The following HECW1 variants were observed in gnomAD, a reference collection of about 807,000 sequenced individuals.
HECW1 encodes the protein E3 ubiquitin-protein ligase HECW1.
In HECW1, 61 loss-of-function variants were observed where a neutral mutation model predicts 182.3. The observed-to-expected ratio is 0.33, with a 90% CI of 0.27 to 0.41. The LOEUF (loss-of-function observed/expected upper bound fraction) is 0.41, where lower values mean the gene tolerates loss of function less well. Ranked by LOEUF, HECW1 falls within the 10% of genes least tolerant of loss-of-function variation. The pLI is 1.00. For synonymous variants in HECW1, 859 were observed against 832.6 expected (o/e 1.03, Z -0.55); for missense variants, 1,739 against 2,108.9 (o/e 0.82, Z 3.44).
intron 2 of HECW1, among the ~76,000 whole-genome samples, chr7:43,199,109 C>T (rs145652589): frequency 1.6e-3 from 251 of 152,336 alleles, no homozygotes; most frequent in African/African-American, 5.7e-3. Flanking sequence ...TCTCTCTCTC[C>T]ACGGTTTTCT....
chr7:43,274,307 A>G, intron 3 of HECW1: 1 of 1,037,996 alleles, frequency 9.6e-7, no homozygotes, highest in Non-Finnish European at 1.4e-6. Context: ...TTTGTATCTC[A>G]GTTAAAGAAG....
At chr7:43,175,411 CTTA>C (rs1792130958) in intron 2 of HECW1, among the ~76,000 whole-genome samples, 1 of 152,186 alleles carries the variant, frequency 6.6e-6, no homozygotes, top group East Asian at 1.9e-4. Context: ...TTTTCCATCT[CTTA>C]TTATGAAAAT....
intron 17 of HECW1, among the ~76,000 whole-genome samples, chr7:43,483,177 G>A (rs910239753): frequency 1.3e-5 from 2 of 152,154 alleles, no homozygotes; most frequent in Non-Finnish European, 2.9e-5. Context: ...GAATGAATTT[G>A]AGGAAAGTAA....
At chr7:43,326,808 C>T (rs1283484948) in intron 5 of HECW1, among the ~76,000 whole-genome samples, 1 of 152,228 alleles carries the variant, frequency 6.6e-6, no homozygotes, top group Admixed American at 6.5e-5. Context: ...GGAGGAAAAG[C>T]AGGGCTCCAG....
intron 3 of HECW1, among the ~76,000 whole-genome samples, chr7:43,246,838 G>A (rs1202986833): frequency 6.8e-6 from 1 of 147,582 alleles, no homozygotes; most frequent in Non-Finnish European, 1.5e-5. Context: ...GCTGCAGCCT[G>A]GCAGAGCCTC....
chr7:43,280,244 A>T (rs941936372), intron 3 of HECW1, among the ~76,000 whole-genome samples: 1 of 152,160 alleles, frequency 6.6e-6, no homozygotes, highest in African/African-American at 2.4e-5. Context: ...TTAATCCAAG[A>T]TCCTCATGGA....
At chr7:43,404,239 T>C (rs1255917398) in intron 7 of HECW1, among the ~76,000 whole-genome samples, 2 of 152,228 alleles carry the variant, frequency 1.3e-5, no homozygotes, top group Non-Finnish European at 2.9e-5. Context: ...AAATTAAATA[T>C]GTAAGTCTTT....
intron 21 of HECW1, among the ~76,000 whole-genome samples, chr7:43,501,633 C>A (rs1259584643): frequency 5.3e-5 from 8 of 151,994 alleles, no homozygotes; most frequent in Admixed American, 5.2e-4. Context: ...AGTTCAAGAC[C>A]AGCCTGGGCA....
At chr7:43,307,859 T>C (rs934695801) in intron 3 of HECW1, among the ~76,000 whole-genome samples, 21 of 135,644 alleles carry the variant, frequency 1.5e-4, no homozygotes, top group Admixed American at 7.1e-4. Context: ...GCTAACTTGA[T>C]TGTGGTAATC....
chr7:43,382,296 A>G (rs1415728503), intron 6 of HECW1, among the ~76,000 whole-genome samples: 1 of 152,060 alleles, frequency 6.6e-6, no homozygotes, highest in African/African-American at 2.4e-5. Context: ...AAAAAAGAAA[A>G]AAAAAAAAAA....
chr7:43,221,448 A>C (rs955489950), intron 2 of HECW1, among the ~76,000 whole-genome samples: 1 of 150,172 alleles, frequency 6.7e-6, no homozygotes, highest in African/African-American at 2.4e-5. Flanking sequence ...AAATTTTTAA[A>C]TCTCCTTATC....
chr7:43,333,971 T>TG (rs1562849947), intron 5 of HECW1, among the ~76,000 whole-genome samples: 2 of 152,206 alleles, frequency 1.3e-5, no homozygotes, highest in African/African-American at 4.8e-5. Context: ...CTCCCTCCAC[T>TG]GGGACCAGGA....
chr7:43,548,531 A>G (rs966109667), intron 26 of HECW1, among the ~76,000 whole-genome samples: 1 of 152,200 alleles, frequency 6.6e-6, no homozygotes, highest in African/African-American at 2.4e-5. Flanking sequence ...TAGACAGTGG[A>G]GAGCAGAGGG....
rs775930180 is a variant in HECW1 at position 43,444,907 on chromosome 7, G to A, written c.1735G>A (p.Ala579Thr). The change falls in exon 11 of 30, where the codon GCA (alanine) becomes ACA (threonine). Residue 579 changes from alanine (A) to threonine (T), a missense_variant. Around this residue, in one of 5 missense-constraint regions of HECW1, gnomAD observed 971 missense variants for 1,029.1 expected, o/e 0.94. Coordinates refer to ENST00000395891, the MANE Select transcript of HECW1 (RefSeq NM_015052.5). The surrounding 1 kb of genome is among the most constrained non-coding windows in gnomAD (Gnocchi z 4.3). Reference protein sequence around the residue: ...SMPSAQGGSAAEEEDGAEEES... With the variant: ...SMPSAQGGSATEEEDGAEEES... Reference sequence around the variant, plus strand: ...GCCCTCCGCCCAGGGCGGCAGCGCGGCAGAGGAGGAGGACGGCGCGGAGGA... The same window carrying A: ...GCCCTCCGCCCAGGGCGGCAGCGCGACAGAGGAGGAGGACGGCGCGGAGGA... The A allele has an allele frequency of 6.2e-7, 1 of 1,601,916 alleles. No homozygotes were observed. The highest frequency in any genetic ancestry group is 8.5e-7 in the Non-Finnish European group (1 of 1,173,046).
intron 2 of HECW1, among the ~76,000 whole-genome samples, chr7:43,140,109 G>T (rs1023568516): frequency 7.4e-6 from 1 of 134,678 alleles, no homozygotes; most frequent in Non-Finnish European, 1.6e-5. Context: ...TAATATTTTT[G>T]ATTATTTGTT....
At chr7:43,481,854 C>A (rs2078446504) in intron 17 of HECW1, among the ~76,000 whole-genome samples, 1 of 150,380 alleles carries the variant, frequency 6.6e-6, no homozygotes. Context: ...GGCATGGTGG[C>A]GGGTGCCTGT....
intron 8 of HECW1, among the ~76,000 whole-genome samples, chr7:43,414,969 A>G (rs1207600048): frequency 3.9e-5 from 6 of 152,174 alleles, no homozygotes; most frequent in East Asian, 1.9e-4. Context: ...TGCTGGCCTC[A>G]TAAAATGAGG....
intron 2 of HECW1, among the ~76,000 whole-genome samples, chr7:43,132,522 TTCTC>T (rs71717961): frequency 6.6e-6 from 1 of 151,694 alleles, no homozygotes. Context: ...AAGAGTTTCC[TTCTC>T]TCTCTCTCTT....
At chr7:43,465,234 G>GA (rs888027142) in intron 14 of HECW1, among the ~76,000 whole-genome samples, 3 of 152,176 alleles carry the variant, frequency 2.0e-5, no homozygotes, top group Non-Finnish European at 2.9e-5. Context: ...TTACTGTATA[G>GA]AAAAAAATCC....
Sources: gnomAD v4.1 joint callset for allele counts (sites outside exome capture counted in the v4.1 genomes callset) on GRCh38, gnomAD v4.1.1 for gene constraint, gnomAD v4.1.1 regional missense constraint, Gnocchi (gnomAD v3.1) non-coding constraint, MANE v1.5 for transcripts, NCBI Gene and HGNC (gene_info 2026-07-23, HGNC 2026-07-21) for gene names.